Variants in ALDH1A2 observed in about 807,000 individuals in gnomAD.
ALDH1A2 encodes retinal dehydrogenase 2.
ALDH1A2 carries 27 observed loss-of-function variants against 60.3 expected under a neutral mutation model. That is an observed-to-expected ratio of 0.45 (90% confidence interval 0.33 to 0.62). The LOEUF (loss-of-function observed/expected upper bound fraction) is 0.62, where lower values mean the gene tolerates loss of function less well. ALDH1A2 is among the 20% of genes least tolerant of loss of function. The pLI is 0.02. For synonymous variants in ALDH1A2, 289 were observed against 232.4 expected, an observed-to-expected ratio of 1.24 and a Z score of -2.21; for missense variants, 581 against 643.8, an observed-to-expected ratio of 0.90 and a Z score of 1.06.
intron 7 of ALDH1A2, among the ~76,000 whole-genome samples, chr15:57,988,640 T>C (rs1894792377): frequency 6.6e-6 from 1 of 152,236 alleles, no homozygotes; most frequent in Non-Finnish European, 1.5e-5. Context: ...ATCTACATCT[T>C]GATTCGGATG....
intron 1 of ALDH1A2, among the ~76,000 whole-genome samples, chr15:58,027,893 A>T (rs1896121972): frequency 6.6e-6 from 1 of 152,180 alleles, no homozygotes; most frequent in Non-Finnish European, 1.5e-5. Context: ...GAAATATGGG[A>T]CTATGTGAAA....
intron 7 of ALDH1A2, among the ~76,000 whole-genome samples, chr15:57,968,723 A>G (rs529013194): frequency 2.0e-5 from 3 of 152,322 alleles, no homozygotes; most frequent in South Asian, 2.1e-4. Context: ...TGCTGAGTAA[A>G]TATTTGGGGT....
chr15:58,004,696 T>TGTGTGA (rs1566945504), intron 4 of ALDH1A2, among the ~76,000 whole-genome samples: 10 of 113,682 alleles, frequency 8.8e-5, no homozygotes. Flanking sequence ...CCATGATTTG[T>TGTGTGA]GTGTGTGCGT....
chr15:57,995,304 T>C (rs1400189857), intron 4 of ALDH1A2, among the ~76,000 whole-genome samples, 165 bp from the exon 5 acceptor site: 1 of 149,190 alleles, frequency 6.7e-6, no homozygotes, highest in Non-Finnish European at 1.5e-5. Flanking sequence ...AGCCTAACAC[T>C]GGACATAGCA....
chr15:58,065,165 A>G (rs1395765428), intron 1 of ALDH1A2: 6 of 295,232 alleles, frequency 2.0e-5, no homozygotes, highest in African/African-American at 1.4e-4. Flanking sequence ...TGCGTGGCCA[A>G]GCTGACGGGG....
At chr15:58,026,293 T>G (rs554869256) in intron 1 of ALDH1A2, among the ~76,000 whole-genome samples, 4 of 152,196 alleles carry the variant, frequency 2.6e-5, no homozygotes, top group African/African-American at 7.2e-5. Context: ...TCAGCAAACA[T>G]GATACACTGA....
intron 12 of ALDH1A2, among the ~76,000 whole-genome samples, chr15:57,959,707 T>C (rs982750693): frequency 4.6e-5 from 7 of 152,206 alleles, no homozygotes; most frequent in African/African-American, 1.7e-4. Flanking sequence ...ATTAAGTAAT[T>C]TGTCCAAGGT....
chr15:58,028,561 T>TA (rs575013015), intron 1 of ALDH1A2, among the ~76,000 whole-genome samples: 105 of 152,254 alleles, frequency 6.9e-4, no homozygotes, highest in African/African-American at 2.3e-3. Context: ...ATATTAACCT[T>TA]AAATGTAAAT....
At chr15:58,020,914 C>T (rs989330943) in intron 1 of ALDH1A2, among the ~76,000 whole-genome samples, 7 of 152,078 alleles carry the variant, frequency 4.6e-5, no homozygotes, top group Non-Finnish European at 4.4e-5. Flanking sequence ...TTATAATTTT[C>T]GGGGTATTTT....
At chr15:57,978,302 C>G (rs1019035730) in intron 7 of ALDH1A2, among the ~76,000 whole-genome samples, 1 of 152,192 alleles carries the variant, frequency 6.6e-6, no homozygotes, top group African/African-American at 2.4e-5. Flanking sequence ...CAGCTTTTGT[C>G]CATTCAGTAC....
chr15:58,065,466 G>T (rs1897152196), intron 1 of ALDH1A2, 68 bp downstream of exon 1: 16 of 1,344,906 alleles, frequency 1.2e-5, no homozygotes, highest in Middle Eastern at 3.6e-4. Context: ...ACCCGCTGAA[G>T]AGATCGGGGA....
chr15:58,001,545 G>A (rs1895271841), intron 4 of ALDH1A2, among the ~76,000 whole-genome samples: 1 of 151,912 alleles, frequency 6.6e-6, no homozygotes, highest in South Asian at 2.1e-4. Context: ...TCGAAATGGA[G>A]ACAGTGTTAA....
intron 7 of ALDH1A2, among the ~76,000 whole-genome samples, chr15:57,970,696 T>A (rs1381335770): frequency 6.6e-6 from 1 of 152,162 alleles, no homozygotes; most frequent in Non-Finnish European, 1.5e-5. Flanking sequence ...TTATTACACA[T>A]ATCAAGGTAG....
At chr15:57,980,335 G>T in intron 7 of ALDH1A2, 1 of 424,902 alleles carries the variant, frequency 2.4e-6, no homozygotes. Context: ...CCTTGAACAG[G>T]TCCATGGGGT....
chr15:57,976,491 T>C (rs1837852), intron 7 of ALDH1A2, among the ~76,000 whole-genome samples: 143,994 of 152,178 alleles, frequency 0.95, 68,258 homozygotes, highest in East Asian at 1. Context: ...TGTTCAACTC[T>C]CACTTATGAA....
At chr15:57,965,694 G>T (rs955807536) in intron 8 of ALDH1A2, 31 bp downstream of exon 8, 3 of 1,473,610 alleles carry the variant, frequency 2.0e-6, no homozygotes, top group African/African-American at 1.4e-5. Context: ...GGTGTGTGGT[G>T]GTTCATGTAT....
At chr15:57,970,726 C>T (rs959697622) in intron 7 of ALDH1A2, among the ~76,000 whole-genome samples, 6 of 152,062 alleles carry the variant, frequency 3.9e-5, no homozygotes, top group Non-Finnish European at 7.4e-5. Context: ...AGCGATATAA[C>T]ACCTTTTTAA....
intron 1 of ALDH1A2, among the ~76,000 whole-genome samples, chr15:58,029,903 A>G (rs1241614958): frequency 1.3e-5 from 2 of 152,190 alleles, no homozygotes; most frequent in African/African-American, 4.8e-5. Context: ...TAGCCTACCA[A>G]CCAAAAAGTC....
At chr15:58,052,252 C>A (rs1359834670) in intron 1 of ALDH1A2, among the ~76,000 whole-genome samples, 8 of 152,060 alleles carry the variant, frequency 5.3e-5, no homozygotes, top group Admixed American at 5.2e-4. Flanking sequence ...AAGACCACAA[C>A]TAAATATGCA....
Sources: allele counts gnomAD v4.1 joint callset (sites outside exome capture counted in the v4.1 genomes callset), GRCh38; gene constraint gnomAD v4.1.1; transcripts MANE v1.5; gene names NCBI Gene and HGNC (gene_info 2026-07-23, HGNC 2026-07-21).